Variants in RNF150 observed in about 807,000 individuals in gnomAD.
RNF150 encodes the protein ring finger protein 150.
Under a neutral mutation model 39.3 loss-of-function variants are expected in RNF150, and 24 were observed. That is an observed-to-expected ratio of 0.61 (90% CI 0.44 to 0.86). The LOEUF (loss-of-function observed/expected upper bound fraction) is 0.86, where lower values mean the gene tolerates loss of function less well. Among genes scored for constraint, RNF150 ranks in the 40% least tolerant of loss-of-function variants. The pLI is 0.00. For synonymous variants in RNF150, 255 were observed against 227.3 expected (o/e 1.12, Z -1.10); for missense variants, 502 against 587.8 (o/e 0.85, Z 1.51).
chr4:141,187,252 A>G (rs1194639579), intron 1 of RNF150, among the ~76,000 whole-genome samples: 4 of 152,100 alleles, frequency 2.6e-5, no homozygotes, highest in African/African-American at 9.7e-5. Flanking sequence ...GCATTTACTG[A>G]GGAGGGTTTT....
intron 1 of RNF150, among the ~76,000 whole-genome samples, chr4:141,120,957 G>A (rs960446266): frequency 1.3e-5 from 2 of 149,250 alleles, no homozygotes; most frequent in Non-Finnish European, 3.0e-5. Flanking sequence ...AGAGGTGACA[G>A]TGGCAGTCCA....
In RNF150 at chr4:140,863,462, A is replaced by C. The variant is rs751644143; in HGVS notation, c.*4799T>G. 3 of 152,212 alleles carry C rather than the reference A, an allele frequency of 2.0e-5. No homozygotes were observed. The highest frequency in any genetic ancestry group is 4.4e-5 in the Non-Finnish European group (3 of 68,038). 9.4% of individuals were successfully genotyped at this position (152,212 alleles called of 1,614,324 possible). On this transcript the variant is annotated 3_prime_UTR_variant, in exon 7 of 7. Coordinates refer to ENST00000515673, the MANE Select transcript of RNF150 (RefSeq NM_020724.2). ...CAGAAGTGAATATGGATATTGCTACACAATAAAAAGAGGAAAAACACCAAC... is the reference window on the plus strand; with the variant it reads ...CAGAAGTGAATATGGATATTGCTACCCAATAAAAAGAGGAAAAACACCAAC...
At chr4:140,997,147 G>A (rs1364418529) in intron 1 of RNF150, 1 of 152,162 alleles carries the variant, frequency 6.6e-6, no homozygotes, top group Non-Finnish European at 1.5e-5. Context: ...GTGAGTGTGT[G>A]TATATACACA....
intron 2 of RNF150, among the ~76,000 whole-genome samples, chr4:140,959,672 C>A (rs1416492008): frequency 1.3e-5 from 2 of 152,140 alleles, no homozygotes; most frequent in Non-Finnish European, 2.9e-5. Flanking sequence ...AGCAATGGCT[C>A]CACATGGCGT....
At chr4:141,190,574 G>A (rs1250957619) in intron 1 of RNF150, among the ~76,000 whole-genome samples, 1 of 152,178 alleles carries the variant, frequency 6.6e-6, no homozygotes, top group Non-Finnish European at 1.5e-5. Flanking sequence ...TCACATGACA[G>A]CATAGCATTA....
intron 1 of RNF150, among the ~76,000 whole-genome samples, chr4:141,082,506 C>T (rs1204005157): frequency 6.6e-6 from 1 of 152,244 alleles, no homozygotes. Flanking sequence ...GCTCCTAATC[C>T]TGCCTTTCTA....
chr4:140,962,910 T>C (rs1012540713), intron 2 of RNF150, among the ~76,000 whole-genome samples: 13 of 152,082 alleles, frequency 8.5e-5, no homozygotes, highest in African/African-American at 3.1e-4. Flanking sequence ...AATTATTTAA[T>C]GATAGAGGGA....
At chr4:140,969,618 ATT>A (rs1733379701) in intron 1 of RNF150, among the ~76,000 whole-genome samples, 1 of 150,736 alleles carries the variant, frequency 6.6e-6, no homozygotes, top group Non-Finnish European at 1.5e-5. Context: ...TAGAATAATA[ATT>A]TTTCATTTCA....
At chr4:140,956,900 C>G (rs1227381636) in intron 2 of RNF150, among the ~76,000 whole-genome samples, 1 of 151,294 alleles carries the variant, frequency 6.6e-6, no homozygotes, top group Non-Finnish European at 1.5e-5. Flanking sequence ...ATACAAAAAT[C>G]AATTCAAGAT....
chr4:140,875,506 C>T lies in RNF150; in HGVS notation c.1199-7127G>A, dbSNP rs138479552. 9.0e-3 allele frequency among the ~76,000 whole-genome samples: 1,374 copies of T among 152,200 alleles called. 9 individuals are homozygous for T. The highest frequency in any genetic ancestry group is 0.014 in the Middle Eastern group (4 of 294). On this transcript the variant is annotated intron_variant, in intron 6 of 6. Transcript: ENST00000515673. Reference sequence around the variant, plus strand: ...TCTGTTCTTGAGTTGAGATTCTTAACTTAAGGATTAGTGATTTGCAGGGTG... The same window carrying T: ...TCTGTTCTTGAGTTGAGATTCTTAATTTAAGGATTAGTGATTTGCAGGGTG...
Position 140,862,087 on chromosome 4 carries a change from T to C in RNF150, c.*6174A>G, listed in dbSNP as rs1728514034. On this transcript the variant is annotated 3_prime_UTR_variant, in exon 7 of 7. Transcript: ENST00000515673. ...TCTTTGGTTTATATAGCACACATGGTCCCCACATTACCCTGCTTCTCCAAG... is the reference window on the plus strand; with the variant it reads ...TCTTTGGTTTATATAGCACACATGGCCCCCACATTACCCTGCTTCTCCAAG... The C allele has an allele frequency of 6.6e-6, 1 of 152,118 alleles. No homozygotes were observed. Among genetic ancestry groups the C allele is most frequent in the Admixed American group, 6.6e-5 (1 of 15,260 alleles). 9.4% of individuals were successfully genotyped at this position (152,118 alleles called of 1,614,324 possible).
At chr4:141,025,394 A>G (rs1404775648) in intron 1 of RNF150, among the ~76,000 whole-genome samples, 2 of 152,180 alleles carry the variant, frequency 1.3e-5, no homozygotes, top group Non-Finnish European at 2.9e-5. Context: ...GTGTAATCCC[A>G]TAACTAGATG....
chr4:141,106,590 C>T (rs913271483), intron 1 of RNF150, among the ~76,000 whole-genome samples: 6 of 152,068 alleles, frequency 3.9e-5, no homozygotes, highest in Non-Finnish European at 7.4e-5. Flanking sequence ...GTTGGGAATT[C>T]GAGACCAACC....
At chr4:141,190,024 C>T (rs1728077421) in intron 1 of RNF150, among the ~76,000 whole-genome samples, 2 of 151,414 alleles carry the variant, frequency 1.3e-5, no homozygotes, top group African/African-American at 4.8e-5. Flanking sequence ...GGGCCCTGGA[C>T]CAGATAGCAC....
intron 1 of RNF150, among the ~76,000 whole-genome samples, chr4:141,184,999 G>C (rs1157532758): frequency 2.1e-5 from 2 of 95,690 alleles, no homozygotes; most frequent in Admixed American, 1.5e-4. Context: ...GATTGTCTTG[G>C]CTATACAGGC....
chr4:140,878,000 G>A (rs1438539751), intron 6 of RNF150, among the ~76,000 whole-genome samples: 1 of 152,140 alleles, frequency 6.6e-6, no homozygotes, highest in Non-Finnish European at 1.5e-5. Flanking sequence ...GGTTCAGACA[G>A]GTCACTGTGG....
At chr4:141,018,210 A>G (rs1038050613) in intron 1 of RNF150, among the ~76,000 whole-genome samples, 1 of 152,142 alleles carries the variant, frequency 6.6e-6, no homozygotes, top group African/African-American at 2.4e-5. Flanking sequence ...CTAGGTTGTC[A>G]GTCCTAATAT....
At chr4:140,969,389 A>G (rs1733370840) in intron 1 of RNF150, among the ~76,000 whole-genome samples, 1 of 152,052 alleles carries the variant, frequency 6.6e-6, no homozygotes, top group Admixed American at 6.6e-5. Context: ...TGGTGGCTCG[A>G]TTTTCAACTC....
At chr4:140,943,112 TG>T (rs746931652) in intron 4 of RNF150, among the ~76,000 whole-genome samples, 10 of 152,192 alleles carry the variant, frequency 6.6e-5, no homozygotes, top group Non-Finnish European at 1.3e-4. Context: ...CCCTGACCTT[TG>T]AAGAGTGAGT....
Sources: gnomAD v4.1 joint callset for allele counts (sites outside exome capture counted in the v4.1 genomes callset) on GRCh38, gnomAD v4.1.1 for gene constraint, MANE v1.5 for transcripts, NCBI Gene and HGNC (gene_info 2026-07-23, HGNC 2026-07-21) for gene names.